GPC6: variants seen among roughly 807,000 people sequenced by gnomAD.
The protein encoded by GPC6 is glypican-6.
GPC6 carries 14 observed loss-of-function variants against 55.2 expected under a neutral mutation model. The observed-to-expected ratio is 0.25, with a 90% CI of 0.17 to 0.40. GPC6 has a LOEUF of 0.40. GPC6 is among the 10% of genes least tolerant of loss of function. The probability of loss-of-function intolerance (pLI) is 1.00; values close to 1 mark genes in which losing one functional copy is unlikely to be tolerated. For synonymous variants in GPC6, 278 were observed against 259.6 expected (o/e 1.07, Z -0.68); for missense variants, 641 against 708.5 (o/e 0.90, Z 1.08).
intron 6 of GPC6, among the ~76,000 whole-genome samples, chr13:94,365,798 G>A (rs568750434): frequency 6.6e-6 from 1 of 152,310 alleles, no homozygotes; most frequent in African/African-American, 2.4e-5. Flanking sequence ...ACTCTTGGGT[G>A]AGCAAAAGGT....
chr13:93,674,445 C>A (rs2139632388), intron 2 of GPC6, among the ~76,000 whole-genome samples: 1 of 152,256 alleles, frequency 6.6e-6, no homozygotes, highest in East Asian at 1.9e-4. Flanking sequence ...ATGAAATGAG[C>A]AATCCAGTAA....
intron 2 of GPC6, among the ~76,000 whole-genome samples, chr13:93,734,493 G>A (rs1315485974): frequency 6.6e-6 from 1 of 152,120 alleles, no homozygotes; most frequent in African/African-American, 2.4e-5. Flanking sequence ...ACCACTCCCT[G>A]TTCCATCACT....
At position 94,060,771 on chromosome 13, in the gene GPC6, G is replaced by A. The variant is rs1191983581; in HGVS notation, c.877+32877G>A. On this transcript the variant is annotated intron_variant, in intron 4 of 8. Transcript: ENST00000377047. ...TTAATATTAAAGCCTAATATTTAGG[G>A]GTAATAATAGAGTCAAGTGTCTTCC... Among the ~76,000 whole-genome samples, 5 of 152,140 alleles carry A rather than the reference G, an allele frequency of 3.3e-5. No homozygotes were observed. The East Asian group carries it at 5.8e-4, about 18-fold the overall frequency.
chr13:93,568,073 A>G (rs946680707), intron 2 of GPC6, among the ~76,000 whole-genome samples: 1 of 152,204 alleles, frequency 6.6e-6, no homozygotes, highest in Non-Finnish European at 1.5e-5. Flanking sequence ...GAAACTTTCT[A>G]TAAGTGAATG....
chr13:94,125,335 A>G (rs1014235574), intron 4 of GPC6, among the ~76,000 whole-genome samples: 19 of 152,178 alleles, frequency 1.2e-4, no homozygotes, highest in South Asian at 1.2e-3. Context: ...CTTCTCTACA[A>G]TCTAGATGCT....
At chr13:93,408,950 A>C (rs2139242009) in intron 1 of GPC6, among the ~76,000 whole-genome samples, 1 of 152,214 alleles carries the variant, frequency 6.6e-6, no homozygotes, top group South Asian at 2.1e-4. Context: ...TTTGGGAGAA[A>C]GTTGATGATG....
intron 4 of GPC6, among the ~76,000 whole-genome samples, chr13:94,032,545 T>A (rs746544870): frequency 3.5e-4 from 54 of 152,228 alleles, no homozygotes; most frequent in Non-Finnish European, 5.1e-4. Context: ...TCAGTGGTTC[T>A]TAAATGCTCG....
intron 1 of GPC6, among the ~76,000 whole-genome samples, chr13:93,544,335 A>G (rs1303300732): frequency 1.3e-5 from 1 of 78,204 alleles, no homozygotes; most frequent in Non-Finnish European, 2.7e-5. Flanking sequence ...TTATAAATGA[A>G]TTTTAATCAC....
chr13:93,847,619 C>T (rs1365012300), intron 3 of GPC6, among the ~76,000 whole-genome samples: 1 of 152,078 alleles, frequency 6.6e-6, no homozygotes, highest in African/African-American at 2.4e-5. Flanking sequence ...CGGTGTTACA[C>T]TAAGTAAGTT....
At chr13:93,359,487 A>AATAAAATTAT (rs1331218389) in intron 1 of GPC6, among the ~76,000 whole-genome samples, 1 of 152,172 alleles carries the variant, frequency 6.6e-6, no homozygotes, top group Non-Finnish European at 1.5e-5. Context: ...TACTTAGAAA[A>AATAAAATTAT]ATAAAATTAT....
At position 93,806,620 on chromosome 13, in the gene GPC6, G is replaced by A. The variant is rs116287811; in HGVS notation, c.320-23534G>A. On this transcript the variant is annotated intron_variant, in intron 2 of 8. Transcript: ENST00000377047. ...TTCCCAAAATTCTGGGATTACAGGT[G>A]TGAGTCACCACATCCGGCCCACTTG... Among the ~76,000 whole-genome samples the A allele has an allele frequency of 4.2e-3, 641 of 152,286 alleles. 4 individuals carry two copies. The highest frequency in any genetic ancestry group is 0.014 in the African/African-American group (594 of 41,560).
intron 1 of GPC6, among the ~76,000 whole-genome samples, chr13:93,486,529 A>G (rs1879717318): frequency 1.3e-5 from 2 of 152,236 alleles, no homozygotes; most frequent in African/African-American, 4.8e-5. Context: ...GTTTCTCAGC[A>G]GCCATTGATG....
At chr13:94,041,758 C>T (rs1420389238) in intron 4 of GPC6, among the ~76,000 whole-genome samples, 3 of 151,792 alleles carry the variant, frequency 2.0e-5, no homozygotes, top group Non-Finnish European at 2.9e-5. Context: ...ATCCCAGGGA[C>T]TTTGGTAAAG....
intron 6 of GPC6, among the ~76,000 whole-genome samples, chr13:94,348,052 T>A (rs1878372212): frequency 6.6e-6 from 1 of 152,228 alleles, no homozygotes; most frequent in African/African-American, 2.4e-5. Flanking sequence ...CATTACTGCA[T>A]CATAAAATAT....
At chr13:94,345,362 A>G (rs548374143) in intron 6 of GPC6, among the ~76,000 whole-genome samples, 2 of 152,188 alleles carry the variant, frequency 1.3e-5, no homozygotes, top group African/African-American at 4.8e-5. Context: ...TTTGGGGGGG[A>G]AAAGAAAAAG....
At chr13:93,736,455 T>C (rs569326156) in intron 2 of GPC6, among the ~76,000 whole-genome samples, 126 of 152,332 alleles carry the variant, frequency 8.3e-4, no homozygotes, top group African/African-American at 2.9e-3. Context: ...TTCTCTTTAA[T>C]GATAATGATG....
chr13:93,776,199 T>C (rs761499418), intron 2 of GPC6, among the ~76,000 whole-genome samples: 1 of 152,072 alleles, frequency 6.6e-6, no homozygotes, highest in African/African-American at 2.4e-5. Context: ...ACTTTACAAA[T>C]ATAGGGAGTA....
At chr13:93,459,087 C>T (rs1878582129) in intron 1 of GPC6, among the ~76,000 whole-genome samples, 1 of 152,128 alleles carries the variant, frequency 6.6e-6, no homozygotes, top group African/African-American at 2.4e-5. Flanking sequence ...GAGACAGGGC[C>T]TTGCTCTGTT....
chr13:93,564,759 T>A (rs1383447366), intron 2 of GPC6, among the ~76,000 whole-genome samples: 2 of 152,218 alleles, frequency 1.3e-5, no homozygotes, highest in African/African-American at 4.8e-5. Flanking sequence ...GTACATGAAT[T>A]ACTTCCAGGA....
Sources: gnomAD v4.1 joint callset for allele counts (sites outside exome capture counted in the v4.1 genomes callset) on GRCh38, gnomAD v4.1.1 for gene constraint, MANE v1.5 for transcripts, NCBI Gene and HGNC (gene_info 2026-07-23, HGNC 2026-07-21) for gene names.